The following CMIP variants were observed in gnomAD, a reference collection of about 807,000 sequenced individuals.
CMIP encodes c-Maf inducing protein.
In CMIP, 13 loss-of-function variants were observed where a neutral mutation model predicts 97.3. The observed-to-expected ratio is 0.13, with a 90% CI of 0.09 to 0.21. CMIP has a LOEUF of 0.21. CMIP is among the 10% of genes least tolerant of loss of function. The probability of loss-of-function intolerance (pLI) is 1.00; values close to 1 mark genes in which losing one functional copy is unlikely to be tolerated. For missense variants in CMIP, 847 were observed against 1,024.9 expected, an observed-to-expected ratio of 0.83 and a Z score of 2.37; for synonymous variants, 538 against 436.3, an observed-to-expected ratio of 1.23 and a Z score of -2.91.
intron 1 of CMIP, among the ~76,000 whole-genome samples, chr16:81,572,025 G>C (rs2091099953): frequency 6.6e-6 from 1 of 152,226 alleles, no homozygotes; most frequent in Admixed American, 6.5e-5. Flanking sequence ...TCGCTCACCA[G>C]GACGGCCTTG....
chr16:81,654,480 G>C (rs2092462159), intron 4 of CMIP, among the ~76,000 whole-genome samples: 2 of 152,204 alleles, frequency 1.3e-5, no homozygotes, highest in Non-Finnish European at 2.9e-5. Flanking sequence ...GTAGGAAAAT[G>C]GAAGAAGTTT....
chr16:81,611,031 A>G (rs1239535589), intron 2 of CMIP, among the ~76,000 whole-genome samples: 2 of 152,250 alleles, frequency 1.3e-5, no homozygotes, highest in East Asian at 3.9e-4. Context: ...TCAGCAGATG[A>G]GTGAAAGTGC....
chr16:81,545,782 C>T (rs2150846687), intron 1 of CMIP, among the ~76,000 whole-genome samples: 1 of 152,362 alleles, frequency 6.6e-6, no homozygotes, highest in East Asian at 1.9e-4. Flanking sequence ...AGAAGCCTTC[C>T]TGCCGGCCCT....
chr16:81,702,081 C>T (rs893032937), intron 16 of CMIP, among the ~76,000 whole-genome samples: 8 of 152,180 alleles, frequency 5.3e-5, no homozygotes, highest in African/African-American at 1.9e-4. Context: ...CATGGGGGAC[C>T]CAACTTCCAA....
intron 1 of CMIP, among the ~76,000 whole-genome samples, chr16:81,504,107 C>G (rs1442444266): frequency 1.3e-5 from 2 of 152,226 alleles, no homozygotes; most frequent in Non-Finnish European, 2.9e-5. Context: ...AGGCAGATCA[C>G]TTGGGGTCAG....
intron 1 of CMIP, among the ~76,000 whole-genome samples, chr16:81,573,756 A>G (rs1167872950): frequency 5.3e-5 from 8 of 152,002 alleles, no homozygotes; most frequent in South Asian, 2.1e-4. Context: ...TGTCATTCCT[A>G]CCTCCCTGGG....
intron 1 of CMIP, among the ~76,000 whole-genome samples, chr16:81,488,708 G>T (rs577180269): frequency 9.9e-5 from 15 of 152,264 alleles, no homozygotes; most frequent in Admixed American, 9.2e-4. Flanking sequence ...TGACTTTCAG[G>T]AGAGCCTTGG....
chr16:81,559,334 G>C (rs1597559511), intron 1 of CMIP, among the ~76,000 whole-genome samples: 1 of 152,104 alleles, frequency 6.6e-6, no homozygotes, highest in Non-Finnish European at 1.5e-5. Context: ...TTTCATGCTG[G>C]GCCAGCCTCA....
intron 1 of CMIP, among the ~76,000 whole-genome samples, chr16:81,595,575 G>C (rs2091541788): frequency 6.6e-6 from 1 of 151,904 alleles, no homozygotes; most frequent in Non-Finnish European, 1.5e-5. Flanking sequence ...TTTTAGTGGA[G>C]GCACGGTTTC....
intron 3 of CMIP, among the ~76,000 whole-genome samples, chr16:81,639,158 C>G (rs2092273762): frequency 6.6e-6 from 1 of 152,170 alleles, no homozygotes; most frequent in South Asian, 2.1e-4. Context: ...AGTGGGTTAC[C>G]TTTTCCTCTG....
At chr16:81,480,245 A>G (rs1343917060) in intron 1 of CMIP, among the ~76,000 whole-genome samples, 1 of 152,156 alleles carries the variant, frequency 6.6e-6, no homozygotes. Flanking sequence ...CTCAGCTTCA[A>G]ATCTCCATCT....
At chr16:81,556,201 CT>C (rs1479114777) in intron 1 of CMIP, among the ~76,000 whole-genome samples, 2 of 152,088 alleles carry the variant, frequency 1.3e-5, no homozygotes, top group Non-Finnish European at 2.9e-5. Context: ...GTTACGGAAC[CT>C]GTTCTAGCCC....
At position 81,652,276 on chromosome 16, in the gene CMIP, C is replaced by T; in HGVS notation, c.551C>T (p.Thr184Ile). Residue 184 changes from threonine (T) to isoleucine (I), a missense_variant, in exon 4 of 21, where the codon ACC (threonine) becomes ATC (isoleucine). Around this residue, in one of 4 missense-constraint regions of CMIP, gnomAD observed 285 missense variants for 392.2 expected, o/e 0.73. Transcript: ENST00000537098. The surrounding 1 kb of genome is among the most constrained non-coding windows in gnomAD (Gnocchi z 5.2). ...RWEVVLKEIR[T>I]LVDMALTSPL... ...GAAGTTGTCTTGAAAGAGATCCGGA[C>T]CCTGGTGGACATGGCCCTGACATCC... 6.2e-7 allele frequency: 1 copy of T among 1,613,544 alleles called. No homozygotes were observed.
In CMIP at chr16:81,655,786, C is replaced by T. The variant is rs989301615; in HGVS notation, c.640-1989C>T. Among the ~76,000 whole-genome samples, 10 of 152,224 alleles carry T rather than the reference C, an allele frequency of 6.6e-5. No homozygotes were observed. The highest frequency in any genetic ancestry group is 5.2e-4 in the Admixed American group (8 of 15,284). On this transcript the variant is annotated intron_variant, in intron 4 of 20. Transcript: ENST00000537098. This position sits in a 1 kb window ranked among gnomAD's most constrained non-coding sequence, Gnocchi z 4.9. Reference sequence around the variant, plus strand: ...GTAAGGACAGACGGGTTCATATCCTCACTGCAGCCCCTATTACCCTGCGCC... The same window carrying T: ...GTAAGGACAGACGGGTTCATATCCTTACTGCAGCCCCTATTACCCTGCGCC...
intron 2 of CMIP, among the ~76,000 whole-genome samples, chr16:81,608,197 T>C (rs2091775453): frequency 6.6e-6 from 1 of 152,046 alleles, no homozygotes; most frequent in Admixed American, 6.6e-5. Context: ...GGACGTTTGG[T>C]TGGAAATGGC....
intron 3 of CMIP, chr16:81,645,640 G>A (rs997395789): frequency 5.9e-5 from 90 of 1,531,248 alleles, no homozygotes; most frequent in Non-Finnish European, 7.3e-5. Flanking sequence ...TGAGGACAGC[G>A]CTGGAGTGGC....
intron 10 of CMIP, among the ~76,000 whole-genome samples, chr16:81,687,936 G>A (rs972753157): frequency 1.3e-5 from 2 of 152,220 alleles, no homozygotes. Context: ...CTCCTTGTCC[G>A]TAATTTGGAC....
chr16:81,596,506 CAAAAAAAAAA>C (rs1164896590), intron 1 of CMIP, among the ~76,000 whole-genome samples: 1 of 89,022 alleles, frequency 1.1e-5, no homozygotes, highest in Non-Finnish European at 2.5e-5. Context: ...GGCCCTGTCT[CAAAAAAAAAA>C]AAAAAAAAAA....
chr16:81,458,073 C>T (rs994036122), intron 1 of CMIP, among the ~76,000 whole-genome samples: 3 of 152,132 alleles, frequency 2.0e-5, no homozygotes, highest in Non-Finnish European at 4.4e-5. Flanking sequence ...AAAGTTTTGG[C>T]GTAAGGAAAA....
Sources: allele counts gnomAD v4.1 joint callset (sites outside exome capture counted in the v4.1 genomes callset), GRCh38; gene constraint gnomAD v4.1.1; regional missense constraint gnomAD v4.1.1; non-coding constraint Gnocchi (gnomAD v3.1); transcripts MANE v1.5; gene names NCBI Gene and HGNC (gene_info 2026-07-23, HGNC 2026-07-21).